Variants in PPP6R3 observed in about 807,000 individuals in gnomAD.
PPP6R3 encodes the protein protein phosphatase 6 regulatory subunit 3, also known as serine/threonine-protein phosphatase 6 regulatory subunit 3.
In PPP6R3, 38 loss-of-function variants were observed where a neutral mutation model predicts 110.7. The ratio of observed to expected loss-of-function variants is 0.34; its 90% CI spans 0.26 to 0.45. The LOEUF (loss-of-function observed/expected upper bound fraction) is 0.45, where lower values mean the gene tolerates loss of function less well. Ranked by LOEUF, PPP6R3 falls within the 20% of genes least tolerant of loss-of-function variation. PPP6R3 has a pLI of 1.00. For synonymous variants in PPP6R3, 369 were observed against 373.5 expected (o/e 0.99, Z 0.14); for missense variants, 870 against 1,062.4 (o/e 0.82, Z 2.52).
intron 1 of PPP6R3, chr11:68,515,072 G>T (rs1246186502): frequency 6.6e-6 from 1 of 152,242 alleles, no homozygotes; most frequent in Non-Finnish European, 1.5e-5. Flanking sequence ...ATGTGGAGTA[G>T]ATGGGAGTTG....
intron 15 of PPP6R3, chr11:68,587,198 A>C: frequency 7.1e-6 from 1 of 140,390 alleles, no homozygotes. Context: ...CACATTTTCA[A>C]CTAAAAACCC....
intron 2 of PPP6R3, among the ~76,000 whole-genome samples, chr11:68,535,860 T>C (rs2153638747): frequency 6.6e-6 from 1 of 151,070 alleles, no homozygotes; most frequent in East Asian, 1.9e-4. Context: ...TCCTAGCTAC[T>C]TGGGAGGCTG....
At chr11:68,525,396 A>G (rs2099191441) in intron 2 of PPP6R3, among the ~76,000 whole-genome samples, 1 of 152,234 alleles carries the variant, frequency 6.6e-6, no homozygotes, top group Non-Finnish European at 1.5e-5. Context: ...ATAAGGAGCT[A>G]TAAAGACCAT....
chr11:68,562,289 A>T (rs1309359982), intron 8 of PPP6R3, among the ~76,000 whole-genome samples: 1 of 152,252 alleles, frequency 6.6e-6, no homozygotes, highest in East Asian at 1.9e-4. Flanking sequence ...TGATGAAATC[A>T]AAGATGACCT....
chr11:68,534,911 C>G (rs1304247230), intron 2 of PPP6R3, among the ~76,000 whole-genome samples: 1 of 152,166 alleles, frequency 6.6e-6, no homozygotes, highest in African/African-American at 2.4e-5. Flanking sequence ...AATGGAAACC[C>G]AACTTTTTCC....
chr11:68,529,558 C>A (rs1257452193), intron 2 of PPP6R3, among the ~76,000 whole-genome samples: 1 of 152,158 alleles, frequency 6.6e-6, no homozygotes. Flanking sequence ...AAGTCTAAAC[C>A]AGTGATGACC....
At chr11:68,581,777 G>A (rs150537206) in intron 14 of PPP6R3, among the ~76,000 whole-genome samples, 8 of 152,338 alleles carry the variant, frequency 5.3e-5, no homozygotes, top group Admixed American at 1.3e-4. Flanking sequence ...AGCAGGTGCC[G>A]TTCCTTGATC....
At chr11:68,485,802 C>A (rs1039838779) in intron 1 of PPP6R3, among the ~76,000 whole-genome samples, 9 of 152,122 alleles carry the variant, frequency 5.9e-5, no homozygotes, top group African/African-American at 1.7e-4. Context: ...TTAAGCAATC[C>A]TCCTGTCTTA....
chr11:68,571,155 G>T, intron 12 of PPP6R3, 51 bp downstream of exon 12: 1 of 1,562,232 alleles, frequency 6.4e-7, no homozygotes, highest in South Asian at 1.2e-5. Context: ...GTAATATGAG[G>T]AAAATAATAC....
At chr11:68,605,046 C>T (rs1282128118) in intron 22 of PPP6R3, among the ~76,000 whole-genome samples, 1 of 152,138 alleles carries the variant, frequency 6.6e-6, no homozygotes, top group Non-Finnish European at 1.5e-5. Context: ...GATATCAAGA[C>T]TTAGTAAAGC....
intron 8 of PPP6R3, among the ~76,000 whole-genome samples, chr11:68,562,614 A>G (rs1367535666): frequency 1.3e-5 from 2 of 152,194 alleles, no homozygotes; most frequent in Non-Finnish European, 2.9e-5. Context: ...ACCCATCCCC[A>G]TGATCAGGCG....
At chr11:68,602,728 C>T (rs2099635615) in intron 21 of PPP6R3, among the ~76,000 whole-genome samples, 2 of 152,150 alleles carry the variant, frequency 1.3e-5, no homozygotes, top group African/African-American at 2.4e-5. Context: ...CATTTGACTC[C>T]TCAGTGGTTC....
At chr11:68,530,754 T>A (rs2099234258) in intron 2 of PPP6R3, among the ~76,000 whole-genome samples, 1 of 152,252 alleles carries the variant, frequency 6.6e-6, no homozygotes, top group African/African-American at 2.4e-5. Context: ...TTGAAATCTC[T>A]GAACATTTTG....
intron 1 of PPP6R3, among the ~76,000 whole-genome samples, chr11:68,483,647 A>C (rs2098929286): frequency 1.3e-5 from 2 of 152,132 alleles, no homozygotes; most frequent in South Asian, 4.1e-4. Context: ...CAGACTGGCT[A>C]ACTTTTGTGT....
chr11:68,489,505 T>G (rs991111678), intron 1 of PPP6R3, among the ~76,000 whole-genome samples: 19 of 151,786 alleles, frequency 1.3e-4, no homozygotes, highest in African/African-American at 4.4e-4. Flanking sequence ...GTATTATACC[T>G]CGTTTTATTG....
intron 1 of PPP6R3, among the ~76,000 whole-genome samples, chr11:68,476,309 G>A (rs532711076): frequency 1.9e-4 from 29 of 152,240 alleles, no homozygotes; most frequent in African/African-American, 5.5e-4. Context: ...AAAAAAATAC[G>A]AAAACCAGTC....
chr11:68,461,385 C>T (rs1300408705), intron 1 of PPP6R3, among the ~76,000 whole-genome samples: 1 of 151,954 alleles, frequency 6.6e-6, no homozygotes, highest in African/African-American at 2.4e-5. Flanking sequence ...GGATCCACAC[C>T]AGCCAGTTCC....
intron 8 of PPP6R3, among the ~76,000 whole-genome samples, chr11:68,560,372 A>G (rs934662466): frequency 2.8e-4 from 43 of 152,288 alleles, no homozygotes; most frequent in African/African-American, 1.0e-3. Flanking sequence ...ACTGTGTGCT[A>G]TGGACTTTAA....
In PPP6R3 at chr11:68,571,020, A is replaced by C. The variant is rs773409859; in HGVS notation, c.1279-20A>C. On this transcript the variant is annotated intron_variant, in intron 11 of 23. Transcript: ENST00000393800. ...GATGCTTTGAAGTATTAACTGGAAT[A>C]TTCTTTTTTTTTTTTTCAGCTTTTC... 1 of 1,574,586 alleles carries C rather than the reference A, an allele frequency of 6.4e-7. No individual in the cohort carries two copies. Among genetic ancestry groups the C allele is most frequent in the Non-Finnish European group, 8.6e-7 (1 of 1,162,036 alleles).
Sources: allele counts gnomAD v4.1 joint callset (sites outside exome capture counted in the v4.1 genomes callset), GRCh38; gene constraint gnomAD v4.1.1; transcripts MANE v1.5; gene names NCBI Gene and HGNC (gene_info 2026-07-23, HGNC 2026-07-21).